Variants in DNAJC11 observed in about 807,000 individuals in gnomAD.
DNAJC11 encodes the protein DnaJ heat shock protein family (Hsp40) member C11, also known as dnaJ homolog subfamily C member 11.
DNAJC11 carries 15 observed loss-of-function variants against 78.6 expected under a neutral mutation model. That is an observed-to-expected ratio of 0.19 (90% CI 0.13 to 0.29). DNAJC11 has a LOEUF of 0.29. Ranked by LOEUF, DNAJC11 falls within the 10% of genes least tolerant of loss-of-function variation. The pLI, the probability that DNAJC11 is intolerant of heterozygous loss-of-function variation, is 1.00. For synonymous variants in DNAJC11, 292 were observed against 272.1 expected (o/e 1.07, Z -0.72); for missense variants, 547 against 709.6 (o/e 0.77, Z 2.60).
chr1:6,683,721 T>C (rs1049891246), intron 1 of DNAJC11, among the ~76,000 whole-genome samples: 8 of 152,252 alleles, frequency 5.3e-5, no homozygotes, highest in African/African-American at 1.9e-4. Flanking sequence ...GGTGCATGGA[T>C]AACGGAAACA....
At chr1:6,665,051 C>T (rs535729988) in intron 4 of DNAJC11, among the ~76,000 whole-genome samples, 1 of 152,238 alleles carries the variant, frequency 6.6e-6, no homozygotes, top group South Asian at 2.1e-4. Context: ...ACAGGTTGAC[C>T]TCTAAGTCAT....
chr1:6,644,900 G>T, intron 9 of DNAJC11, 141 bp downstream of exon 9: 1 of 881,182 alleles, frequency 1.1e-6, no homozygotes, highest in Non-Finnish European at 1.9e-6. Flanking sequence ...ATCCCCCACA[G>T]CCTCAAAATA....
At chr1:6,695,694 G>T (rs1642825046) in intron 1 of DNAJC11, among the ~76,000 whole-genome samples, 1 of 142,068 alleles carries the variant, frequency 7.0e-6, no homozygotes, top group Non-Finnish European at 1.5e-5. Flanking sequence ...TGTAATCCCA[G>T]CTACTTGGGA....
chr1:6,667,498 C>G (rs1390709699), intron 4 of DNAJC11, among the ~76,000 whole-genome samples: 1 of 152,122 alleles, frequency 6.6e-6, no homozygotes, highest in Admixed American at 6.5e-5. Flanking sequence ...GGTACAAAAC[C>G]TCCTGGAGAT....
In DNAJC11 at chr1:6,634,232, A is replaced by AGAG; in HGVS notation, c.*1440_*1442dup. On this transcript the variant is annotated 3_prime_UTR_variant, in exon 16 of 16. Transcript: ENST00000377577. Reference sequence around the variant, plus strand: ...GTACAGTCGACTGCAAATGAAACGCAGAGGATGGGTGCCCAGAAGCACCTG... The same window carrying AGAG: ...GTACAGTCGACTGCAAATGAAACGCAGAGGAGGATGGGTGCCCAGAAGCACCTG... 1 of 914,344 alleles carries AGAG rather than the reference A, an allele frequency of 1.1e-6. No homozygotes were observed. The highest frequency in any genetic ancestry group is 1.7e-5 in the South Asian group (1 of 59,228). The allele number at this position is 914,344 out of a possible 1,614,324, so 56.6% of individuals were successfully genotyped here. A position where few individuals can be genotyped will look rare whatever the true frequency, so the allele number is the denominator to read the frequency against.
chr1:6,634,659 G>C lies in DNAJC11; in HGVS notation c.*1016C>G. ...GGTCCAGGCCGTGGAGGGGGTCCTA[G>C]CTCCGCTGCATTCTGCATCCCAAGT... is the stretch of plus-strand genomic sequence containing the variant. On this transcript the variant is annotated 3_prime_UTR_variant, in exon 16 of 16. Coordinates refer to ENST00000377577, the MANE Select transcript of DNAJC11 (RefSeq NM_018198.4). The C allele has an allele frequency of 7.3e-7, 1 of 1,366,486 alleles. No homozygotes were observed. Among genetic ancestry groups the C allele is most frequent in the Non-Finnish European group, 9.8e-7 (1 of 1,021,816 alleles). 84.6% of individuals were successfully genotyped at this position (1,366,486 alleles called of 1,614,324 possible). A position where few individuals can be genotyped will look rare whatever the true frequency, so the allele number is the denominator to read the frequency against.
chr1:6,645,561 A>C lies in DNAJC11; in HGVS notation c.894+228T>G, dbSNP rs1641951748. On this transcript the variant is annotated intron_variant, in intron 8 of 15. Transcript: ENST00000377577. The surrounding 1 kb of genome is among the most constrained non-coding windows in gnomAD (Gnocchi z 4.1). Reference sequence around the variant, plus strand: ...GACATTAAGATGTTGTTCTGCTTTAAGATGATCCAACAAAGCTGCCCCAGG... The same window carrying C: ...GACATTAAGATGTTGTTCTGCTTTACGATGATCCAACAAAGCTGCCCCAGG... 6.6e-6 allele frequency among the ~76,000 whole-genome samples: 1 copy of C among 152,214 alleles called. No homozygotes were observed. The highest frequency in any genetic ancestry group is 1.5e-5 in the Non-Finnish European group (1 of 68,040).
chr1:6,684,318 G>A (rs1642601299), intron 1 of DNAJC11, among the ~76,000 whole-genome samples: 1 of 152,202 alleles, frequency 6.6e-6, no homozygotes, highest in Non-Finnish European at 1.5e-5. Flanking sequence ...CTGACCTCAG[G>A]TGATCCGCCC....
chr1:6,691,960 TGTAA>T (rs749866692), intron 1 of DNAJC11, among the ~76,000 whole-genome samples: 52 of 152,336 alleles, frequency 3.4e-4, no homozygotes, highest in East Asian at 2.7e-3. Flanking sequence ...TAAACAAAGG[TGTAA>T]GTAAGTAAAA....
At chr1:6,657,936 T>C (rs778953988) in intron 4 of DNAJC11, among the ~76,000 whole-genome samples, 29 of 151,976 alleles carry the variant, frequency 1.9e-4, no homozygotes, top group African/African-American at 4.4e-4. Flanking sequence ...TGAGCCCCCA[T>C]GCCCAGCCAG....
chr1:6,641,845 A>G (rs1214423804), intron 10 of DNAJC11, among the ~76,000 whole-genome samples: 1 of 152,182 alleles, frequency 6.6e-6, no homozygotes, highest in Non-Finnish European at 1.5e-5. Context: ...GGTGAGAATA[A>G]AATGGACCAA....
rs1381114830 is a variant in DNAJC11, at chr1:6,635,309, C to T, written c.*366G>A. ...GTGGCTCACGCTCCTGTGGTGAGGG[C>T]AGGGTGCTCCACAGACACCTCCAGA... On this transcript the variant is annotated 3_prime_UTR_variant, in exon 16 of 16. Coordinates refer to ENST00000377577, the MANE Select transcript of DNAJC11 (RefSeq NM_018198.4). The T allele has an allele frequency of 9.3e-6, 2 of 214,172 alleles. No individual in the cohort carries two copies. The highest frequency in any genetic ancestry group is 1.9e-5 in the Non-Finnish European group (2 of 105,246). The allele number at this position is 214,172 out of a possible 1,614,324, so 13.3% of individuals were successfully genotyped here. A position where few individuals can be genotyped will look rare whatever the true frequency, so the allele number is the denominator to read the frequency against.
chr1:6,645,212 G>C lies in DNAJC11; in HGVS notation c.895-86C>G. ...GTATCTGCCCTCCCACTAGCTCTGGGCATCTGCTGCACACAGGCCTTTAAG... is the reference window on the plus strand; with the variant it reads ...GTATCTGCCCTCCCACTAGCTCTGGCCATCTGCTGCACACAGGCCTTTAAG... On this transcript the variant is annotated intron_variant, in intron 8 of 15. Coordinates refer to ENST00000377577, the MANE Select transcript of DNAJC11 (RefSeq NM_018198.4). This position sits in a 1 kb window ranked among gnomAD's most constrained non-coding sequence, Gnocchi z 4.1. 1 of 1,053,182 alleles carries C rather than the reference G, an allele frequency of 9.5e-7. No homozygotes were observed. Among genetic ancestry groups the C allele is most frequent in the African/African-American group, 1.6e-5 (1 of 64,230 alleles). 65.2% of individuals were successfully genotyped at this position (1,053,182 alleles called of 1,614,324 possible).
At chr1:6,657,561 C>A (rs1642144491) in intron 4 of DNAJC11, among the ~76,000 whole-genome samples, 2 of 152,232 alleles carry the variant, frequency 1.3e-5, no homozygotes, top group Admixed American at 1.3e-4. Flanking sequence ...AATGGTTATA[C>A]AGCAGCACAT....
At position 6,634,788 on chromosome 1, in the gene DNAJC11, C is replaced by T. The variant is rs1426898001; in HGVS notation, c.*887G>A. The T allele has an allele frequency of 3.1e-6, 4 of 1,309,468 alleles. No homozygotes were observed. The allele number at this position is 1,309,468 out of a possible 1,614,324, so 81.1% of individuals were successfully genotyped here. A position where few individuals can be genotyped will look rare whatever the true frequency, so the allele number is the denominator to read the frequency against. The stretch of plus-strand genomic sequence containing the variant: ...GAGCGGGGAGCTGCAGTGCCACCTG[C>T]TGGGTACCACGGGCCGGGCCTGGGG... On this transcript the variant is annotated 3_prime_UTR_variant, in exon 16 of 16. Transcript: ENST00000377577.
At chr1:6,643,761 A>G (rs777796213) in intron 10 of DNAJC11, among the ~76,000 whole-genome samples, 22 of 152,116 alleles carry the variant, frequency 1.4e-4, no homozygotes, top group Non-Finnish European at 2.8e-4. Context: ...GGCTGCTAGG[A>G]TGCATCCTGT....
rs957343643 is a variant in DNAJC11, at chr1:6,640,312, C to T, written c.1098-255G>A. Among the ~76,000 whole-genome samples, 5 of 152,198 alleles carry T rather than the reference C, an allele frequency of 3.3e-5. No individual in the cohort carries two copies. In the East Asian group the frequency reaches 5.8e-4, roughly 18 times the overall value. ...CCTCAAGCCAAAGCAACAAGAGGAA[C>T]ACTTCACGGGGTCAACGTCCCCTAC... On this transcript the variant is annotated intron_variant, in intron 10 of 15. Transcript: ENST00000377577.
chr1:6,650,298 G>A (rs1196526684), intron 7 of DNAJC11, among the ~76,000 whole-genome samples: 1 of 152,062 alleles, frequency 6.6e-6, no homozygotes. Context: ...TGCTGAAGTG[G>A]CTCATGCTTC....
intron 9 of DNAJC11, 89 bp downstream of exon 9, chr1:6,644,952 C>A: frequency 2.4e-6 from 3 of 1,259,428 alleles, no homozygotes; most frequent in Non-Finnish European, 3.5e-6. Flanking sequence ...GATATTCACA[C>A]GAGCAAGGTG....
Sources: allele counts gnomAD v4.1 joint callset (sites outside exome capture counted in the v4.1 genomes callset), GRCh38; gene constraint gnomAD v4.1.1; non-coding constraint Gnocchi (gnomAD v3.1); transcripts MANE v1.5; gene names NCBI Gene and HGNC (gene_info 2026-07-23, HGNC 2026-07-21).